CEP164: variants seen among roughly 807,000 people sequenced by gnomAD.
CEP164 encodes centrosomal protein of 164 kDa.
In CEP164, 162 loss-of-function variants were observed where a neutral mutation model predicts 182.7. The observed-to-expected ratio is 0.89, with a 90% confidence interval of 0.78 to 1.01. The LOEUF (loss-of-function observed/expected upper bound fraction) is 1.01, where lower values mean the gene tolerates loss of function less well. Ranked by LOEUF, CEP164 falls within the 50% of genes least tolerant of loss-of-function variation. CEP164 has a pLI of 0.00. For synonymous variants in CEP164, 661 were observed against 690.0 expected (o/e 0.96, Z 0.66); for missense variants, 1,735 against 1,790.4 (o/e 0.97, Z 0.56).
rs2045233201 is a variant in CEP164, at chr11:117,394,884, CTCTT to C, written c.2761-32_2761-29del. 1 of 1,604,904 alleles carries C rather than the reference CTCTT, an allele frequency of 6.2e-7. No homozygotes were observed. The highest frequency in any genetic ancestry group is 1.3e-5 in the African/African-American group (1 of 74,734). On this transcript the variant is annotated intron_variant, in intron 21 of 32. Transcript: ENST00000278935. The surrounding 1 kb of genome is among the most constrained non-coding windows in gnomAD (Gnocchi z 4.0). ...CCTGCCCCTCAGCTAATGCCTTACA[CTCTT>C]TCTATGCTTATGTGTTTCCCTTTCT... is the stretch of plus-strand genomic sequence containing the variant.
chr11:117,407,924 G>T lies in CEP164; in HGVS notation c.3502-1G>T. ...CTCCTCTGTTTTCTCCTTGGCTGCA[G>T]GAGACCAGGCACCTGGATGAGATGA... On this transcript the variant is annotated splice_acceptor_variant, in intron 27 of 32. Coordinates refer to ENST00000278935, the MANE Select transcript of CEP164 (RefSeq NM_014956.5). LOFTEE classifies it high-confidence loss of function. 6.3e-7 allele frequency: 1 copy of T among 1,585,932 alleles called. No homozygotes were observed. Among genetic ancestry groups the T allele is most frequent in the East Asian group, 2.3e-5 (1 of 43,932 alleles).
At chr11:117,388,960 C>T (rs181913102) in intron 15 of CEP164, among the ~76,000 whole-genome samples, 4 of 151,252 alleles carry the variant, frequency 2.6e-5, no homozygotes, top group African/African-American at 7.3e-5. Flanking sequence ...TTAGTAGAGA[C>T]GGGGTTTCAC....
At chr11:117,347,476 C>T (rs1008529749) in intron 4 of CEP164, among the ~76,000 whole-genome samples, 45 of 151,796 alleles carry the variant, frequency 3.0e-4, no homozygotes, top group African/African-American at 1.1e-3. Context: ...TTTGGGAGGT[C>T]GAGGTGGGCG....
intron 27 of CEP164, among the ~76,000 whole-genome samples, chr11:117,399,124 A>G (rs989204798): frequency 1.3e-5 from 2 of 152,020 alleles, no homozygotes; most frequent in Admixed American, 1.3e-4. Context: ...TCCTAATGCT[A>G]TCCCTCCCCT....
Position 117,410,858 on chromosome 11 carries a change from C to T in CEP164, c.4127C>T (p.Thr1376Ile). The T allele has an allele frequency of 5.0e-6, 8 of 1,613,348 alleles. No individual in the cohort carries two copies. The highest frequency in any genetic ancestry group is 1.1e-5 in the South Asian group (1 of 90,780). The change falls in exon 31 of 33, where the codon ACC becomes ATC. Residue 1376 changes from threonine (T) to isoleucine (I), a missense_variant. Coordinates refer to ENST00000278935, the MANE Select transcript of CEP164 (RefSeq NM_014956.5). ...ATCCCGCTGCTCAGCAACAGCCCCACCCCGCTGGAGAGCAGGCTGGGTTAC... is the reference window on the plus strand; with the variant it reads ...ATCCCGCTGCTCAGCAACAGCCCCATCCCGCTGGAGAGCAGGCTGGGTTAC... ...SGIPLLSNSP[T>I]PLESRLGYMS... is the part of the protein sequence containing the mutation.
In CEP164 at chr11:117,409,091, TAGA is replaced by T. The variant is rs2136918543; in HGVS notation, c.3748+70_3748+72del. ...CATGGAATGGGAGGAACTTGGGGAA[TAGA>T]AGAAGAGCTCTCTTCCCTCAGCCCT... is the stretch of plus-strand genomic sequence containing the variant. On this transcript the variant is annotated intron_variant, in intron 29 of 32. Coordinates refer to ENST00000278935, the MANE Select transcript of CEP164 (RefSeq NM_014956.5). The surrounding 1 kb of genome is among the most constrained non-coding windows in gnomAD (Gnocchi z 4.4). The T allele has an allele frequency of 3.1e-6, 5 of 1,601,606 alleles. No individual in the cohort carries two copies. In the Admixed American group the frequency reaches 5.0e-5, roughly 16 times the overall value.
intron 15 of CEP164, among the ~76,000 whole-genome samples, chr11:117,387,818 G>C (rs1332864642): frequency 6.6e-6 from 1 of 152,170 alleles, no homozygotes; most frequent in East Asian, 1.9e-4. Context: ...TCCAAGAGTG[G>C]TAGAAAATTA....
At chr11:117,371,522 C>T (rs2042190078) in intron 9 of CEP164, 56 bp downstream of exon 9, 1 of 1,530,752 alleles carries the variant, frequency 6.5e-7, no homozygotes, top group Non-Finnish European at 8.7e-7. Context: ...CTGCTCTGTT[C>T]AGCCCTGGGC....
intron 4 of CEP164, among the ~76,000 whole-genome samples, chr11:117,350,951 T>C (rs754276568): frequency 6.6e-6 from 1 of 152,244 alleles, no homozygotes; most frequent in African/African-American, 2.4e-5. Context: ...CTTGTCCATG[T>C]TGAAAAACAG....
Position 117,409,498 on chromosome 11 carries a change from GC to G in CEP164, c.3749-119del. 2.3e-6 allele frequency: 2 copies of G among 851,444 alleles called. No homozygotes were observed. The highest frequency in any genetic ancestry group is 3.2e-5 in the South Asian group (2 of 61,938). 52.7% of individuals were successfully genotyped at this position (851,444 alleles called of 1,614,324 possible). A position where few individuals can be genotyped will look rare whatever the true frequency, so the allele number is the denominator to read the frequency against. ...CCTGACCCCCTCATAAGGTTGAGGG[GC>G]TGTTGTCTGGAGAAGCAGGGAGGGG... On this transcript the variant is annotated intron_variant, in intron 29 of 32. Coordinates refer to ENST00000278935, the MANE Select transcript of CEP164 (RefSeq NM_014956.5). The surrounding 1 kb of genome is among the most constrained non-coding windows in gnomAD (Gnocchi z 4.4).
intron 4 of CEP164, among the ~76,000 whole-genome samples, chr11:117,351,178 A>G (rs1248062114): frequency 6.6e-6 from 1 of 152,062 alleles, no homozygotes; most frequent in Non-Finnish European, 1.5e-5. Context: ...GATTACAGGC[A>G]TGCACCACCA....
At chr11:117,362,016 A>G (rs2041043384) in intron 6 of CEP164, 23 bp downstream of exon 6, 1 of 1,534,480 alleles carries the variant, frequency 6.5e-7, no homozygotes, top group East Asian at 2.3e-5. Flanking sequence ...TCTTGCGTTC[A>G]GTGTCTGTAG....
At chr11:117,340,518 T>G (rs1254755873) in intron 3 of CEP164, among the ~76,000 whole-genome samples, 1 of 152,156 alleles carries the variant, frequency 6.6e-6, no homozygotes, top group African/African-American at 2.4e-5. Flanking sequence ...GCTTATAGCA[T>G]AGGGTGTTTT....
chr11:117,367,089 A>T (rs2041716671), intron 8 of CEP164, among the ~76,000 whole-genome samples: 2 of 152,146 alleles, frequency 1.3e-5, no homozygotes, highest in South Asian at 4.1e-4. Context: ...TGCATTTCCC[A>T]CAGAGCCCAG....
Position 117,371,172 on chromosome 11 carries a change from C to T in CEP164, c.858C>T (p.Ser286=). The change falls in exon 9 of 33, where the codon AGC becomes AGT. Residue 286 remains serine (S), a synonymous_variant. Coordinates refer to ENST00000278935, the MANE Select transcript of CEP164 (RefSeq NM_014956.5). ...AGPPTPCKPS[S]PGADSSLSSA... ...CCCCTACTCCCTGCAAGCCCTCCAG[C>T]CCAGGTGCAGACAGCAGTCTGAGCA... 2 of 1,614,180 alleles carry T rather than the reference C, an allele frequency of 1.2e-6. No individual in the cohort carries two copies. The highest frequency in any genetic ancestry group is 1.7e-6 in the Non-Finnish European group (2 of 1,180,020).
At chr11:117,331,750 A>T (rs56862702) in intron 1 of CEP164, among the ~76,000 whole-genome samples, 85 of 142,046 alleles carry the variant, frequency 6.0e-4, no homozygotes, top group African/African-American at 2.0e-3. Flanking sequence ...TTGCTGGTGT[A>T]TTTTTTTTTT....
intron 5 of CEP164, chr11:117,356,748 T>TTGGG: frequency 1.1e-6 from 1 of 940,754 alleles, no homozygotes; most frequent in Non-Finnish European, 1.3e-6. Context: ...TATTGGCCCT[T>TTGGG]TAACTACCCA....
intron 4 of CEP164, among the ~76,000 whole-genome samples, chr11:117,348,879 G>A (rs1490168039): frequency 6.6e-6 from 1 of 152,082 alleles, no homozygotes; most frequent in African/African-American, 2.4e-5. Context: ...TCATATAAGT[G>A]GAATTATGCA....
intron 27 of CEP164, among the ~76,000 whole-genome samples, chr11:117,398,116 A>C (rs1404211353): frequency 2.0e-5 from 3 of 152,212 alleles, no homozygotes; most frequent in Non-Finnish European, 4.4e-5. Context: ...AAATGGGAGA[A>C]ATTGGCCAAA....
Sources: gnomAD v4.1 joint callset for allele counts (sites outside exome capture counted in the v4.1 genomes callset) on GRCh38, gnomAD v4.1.1 for gene constraint, Gnocchi (gnomAD v3.1) non-coding constraint, MANE v1.5 for transcripts, NCBI Gene and HGNC (gene_info 2026-07-23, HGNC 2026-07-21) for gene names.